ZNF227: variants seen among roughly 807,000 people sequenced by gnomAD.
ZNF227 encodes the protein zinc finger protein 227.
ZNF227 carries 12 observed loss-of-function variants against 13.2 expected under a neutral mutation model. That is an observed-to-expected ratio of 0.91 (90% CI 0.58 to 1.47). The LOEUF (loss-of-function observed/expected upper bound fraction) is 1.47. ZNF227 is among the 40% of genes most tolerant of loss of function. The probability of loss-of-function intolerance (pLI) is 0.00; values close to 1 mark genes in which losing one functional copy is unlikely to be tolerated. For synonymous variants in ZNF227, 338 were observed against 326.0 expected, an observed-to-expected ratio of 1.04 and a Z score of -0.40; for missense variants, 885 against 967.5, an observed-to-expected ratio of 0.91 and a Z score of 1.13.
intron 3 of ZNF227, among the ~76,000 whole-genome samples, chr19:44,218,607 G>A (rs1196799972): frequency 2.0e-5 from 3 of 152,172 alleles, no homozygotes; most frequent in South Asian, 2.1e-4. Context: ...CTACATGTAC[G>A]TAAGGTCTAG....
intron 3 of ZNF227, among the ~76,000 whole-genome samples, chr19:44,221,603 G>A (rs544533305): frequency 0.012 from 1,788 of 152,218 alleles, 28 homozygotes; most frequent in African/African-American, 0.039. Flanking sequence ...ACTTTTTGAT[G>A]GGGTTGTTTG....
At chr19:44,225,471 T>C (rs1417604662) in intron 3 of ZNF227, among the ~76,000 whole-genome samples, 2 of 152,326 alleles carry the variant, frequency 1.3e-5, no homozygotes, top group South Asian at 2.1e-4. Context: ...CGTTTCTTTT[T>C]ATTCTTTTTT....
upstream of ZNF227, among the ~76,000 whole-genome samples, chr19:44,210,392 C>T (rs997262220): frequency 1.4e-4 from 21 of 152,196 alleles, no homozygotes; most frequent in African/African-American, 4.3e-4. Context: ...TGATATCAAC[C>T]CTATTATAGT....
In ZNF227 at chr19:44,236,506, G is replaced by A. The variant is rs781320700; in HGVS notation, c.2076G>A (p.Glu692=). 3.1e-6 allele frequency: 5 copies of A among 1,613,662 alleles called. No individual in the cohort carries two copies. The highest frequency in any genetic ancestry group is 1.7e-4 in the Middle Eastern group (1 of 6,058). Residue 692 remains glutamate, a synonymous_variant, in exon 6 of 6, where the codon GAG becomes GAA. Transcript: ENST00000313040. The stretch of plus-strand genomic sequence containing the variant: ...GAGAAAAACCTTACAAATGTGAAGA[G>A]TGTGGGAAAGGCTTTGGTAGGAGCT... ...HTGEKPYKCE[E]CGKGFGRSLN...
chr19:44,226,219 C>G (rs983410294), intron 3 of ZNF227, among the ~76,000 whole-genome samples: 1 of 152,202 alleles, frequency 6.6e-6, no homozygotes, highest in Admixed American at 6.5e-5. Flanking sequence ...AGTTAGGCTG[C>G]TTGGAGGTCA....
At chr19:44,207,775 G>A (rs1971243995), upstream of ZNF227, 1 of 152,302 alleles carries the variant, frequency 6.6e-6, no homozygotes. Flanking sequence ...CCCCGGGTTG[G>A]GAGCGTCCTG....
chr19:44,218,815 C>A (rs894445019), intron 3 of ZNF227, among the ~76,000 whole-genome samples: 1 of 152,212 alleles, frequency 6.6e-6, no homozygotes, highest in African/African-American at 2.4e-5. Context: ...ATTCTATTTT[C>A]ATGTAAAGGC....
At chr19:44,215,759 G>A (rs1372351281) in intron 2 of ZNF227, among the ~76,000 whole-genome samples, 3 of 152,062 alleles carry the variant, frequency 2.0e-5, no homozygotes, top group African/African-American at 7.2e-5. Flanking sequence ...AGGCCTAGGC[G>A]GGTGGATCAC....
In ZNF227 at chr19:44,233,099, A is replaced by AT. The variant is rs879867806; in HGVS notation, c.272-1594dup. On this transcript the variant is annotated intron_variant, in intron 5 of 5. Transcript: ENST00000313040. Reference sequence around the variant, plus strand: ...CAGAAATGTGTAGACACCTGTTGCTATTTTTTTTTCAGTTTGTATTATTAG... The same window carrying AT: ...CAGAAATGTGTAGACACCTGTTGCTATTTTTTTTTTCAGTTTGTATTATTAG... 1.8e-3 allele frequency among the ~76,000 whole-genome samples: 276 copies of AT among 149,644 alleles called. 1 individual carries two copies. The highest frequency in any genetic ancestry group is 6.2e-3 in the African/African-American group (254 of 40,746).
Position 44,234,866 on chromosome 19 carries a change from G to A in ZNF227, c.436G>A (p.Val146Ile). The A allele has an allele frequency of 1.9e-6, 3 of 1,613,802 alleles. No individual in the cohort carries two copies. The highest frequency in any genetic ancestry group is 2.2e-5 in the South Asian group (2 of 90,934). ...GTTATTACAAGGTGACTCTATTCAG[G>A]TTTCTGAAAATGAGAACAATATAAT... ...SQLLQGDSIQ[V>I]SENENNIMNP... The change falls in exon 6 of 6, where the codon GTT becomes ATT. Residue 146 changes from valine to isoleucine, a missense_variant. Coordinates refer to ENST00000313040, the MANE Select transcript of ZNF227 (RefSeq NM_182490.3).
chr19:44,230,647 C>T (rs1002292043), intron 5 of ZNF227, among the ~76,000 whole-genome samples: 12 of 151,966 alleles, frequency 7.9e-5, no homozygotes, highest in African/African-American at 2.7e-4. Flanking sequence ...ATTAGAGAGG[C>T]CTTCTATGTT....
At position 44,229,752 on chromosome 19, in the gene ZNF227, A is replaced by G; in HGVS notation, c.207A>G (p.Pro69=). The stretch of plus-strand genomic sequence containing the variant: ...TCATAGGGCATCTTCCCTTCCAACC[A>G]GATATGGTATCCCAATTGGAAGCAG... ...LVAVGHLPFQ[P]DMVSQLEAEE... Residue 69 remains proline (P), a synonymous_variant, in exon 5 of 6, where the codon CCA becomes CCG. Transcript: ENST00000313040. The G allele has an allele frequency of 6.3e-7, 1 of 1,587,094 alleles. No individual in the cohort carries two copies. Among genetic ancestry groups the G allele is most frequent in the Non-Finnish European group, 8.6e-7 (1 of 1,162,678 alleles).
At chr19:44,217,725 T>G in intron 2 of ZNF227, 66 bp from the exon 3 acceptor site, 1 of 1,551,422 alleles carries the variant, frequency 6.4e-7, no homozygotes, top group South Asian at 1.1e-5. Flanking sequence ...ATTTCTCTAA[T>G]TTCCTCATAT....
Position 44,236,554 on chromosome 19 carries a change from G to T in ZNF227, c.2124G>T (p.Arg708Ser), listed in dbSNP as rs2122994441. Residue 708 changes from arginine to serine, a missense_variant, in exon 6 of 6, where the codon AGG becomes AGT. By Grantham distance (110) the Arg-to-Ser change is moderately radical (BLOSUM62 -1). Transcript: ENST00000313040. ...GCTTGAATCTTCGCCATCATCAGAG[G>T]GTCCACACGGGAGAGAAACCCCATA... ...GRSLNLRHHQ[R>S]VHTGEKPHIC... is the part of the protein sequence containing the mutation. The T allele has an allele frequency of 6.2e-7, 1 of 1,610,960 alleles. No homozygotes were observed. The highest frequency in any genetic ancestry group is 2.2e-5 in the East Asian group (1 of 44,712).
chr19:44,217,814 C>A lies in ZNF227; in HGVS notation c.22C>A (p.Leu8Ile). 6.2e-7 allele frequency: 1 copy of A among 1,614,252 alleles called. No individual in the cohort carries two copies. The highest frequency in any genetic ancestry group is 8.5e-7 in the Non-Finnish European group (1 of 1,180,048). MPSQNYD[L>I]PQKKQEKMTK... is the part of the protein sequence containing the mutation. ...AGTTATGCCATCTCAGAACTATGAC[C>A]TTCCCCAGAAGAAGCAGGAGAAAAT... Residue 8 changes from leucine to isoleucine, a missense_variant, in exon 3 of 6, where the codon CTT becomes ATT. Coordinates refer to ENST00000313040, the MANE Select transcript of ZNF227 (RefSeq NM_182490.3).
intron 5 of ZNF227, 106 bp downstream of exon 5, chr19:44,229,922 T>C: frequency 1.5e-6 from 1 of 667,124 alleles, no homozygotes; most frequent in Non-Finnish European, 2.3e-6. Flanking sequence ...ATCTTTCACC[T>C]GGATTATAAC....
rs749828672 is a variant in ZNF227, at chr19:44,235,318, CAATAGATGTCAT to C, written c.889_900del (p.Asn297_His300del). On this transcript the variant is annotated inframe_deletion, in exon 6 of 6. Transcript: ENST00000313040. ...AGAGAATTCACCCAGGAGAGAAACTCAATAGATGTCATGAATCTGGTGATTGCTTCAATAAGA... is the reference window on the plus strand; with the variant it reads ...AGAGAATTCACCCAGGAGAGAAACTCGAATCTGGTGATTGCTTCAATAAGA... 2.5e-6 allele frequency: 4 copies of C among 1,614,034 alleles called. No individual in the cohort carries two copies. The Admixed American group carries it at 6.7e-5, about 27-fold the overall frequency.
At chr19:44,210,330 C>T (rs1487913708), upstream of ZNF227, among the ~76,000 whole-genome samples, 4 of 152,152 alleles carry the variant, frequency 2.6e-5, no homozygotes, top group African/African-American at 7.2e-5. Context: ...ATAGGGTAGT[C>T]ATGAATCAGG....
intron 3 of ZNF227, among the ~76,000 whole-genome samples, chr19:44,218,336 T>A (rs1216215561): frequency 6.6e-6 from 1 of 152,236 alleles, no homozygotes; most frequent in East Asian, 1.9e-4. Context: ...CTTTTTTCCC[T>A]ACATATAAAA....
Sources: allele counts gnomAD v4.1 joint callset (sites outside exome capture counted in the v4.1 genomes callset), GRCh38; gene constraint gnomAD v4.1.1; transcripts MANE v1.5; gene names NCBI Gene and HGNC (gene_info 2026-07-23, HGNC 2026-07-21).